The following ANK3 variants were observed in gnomAD, a reference collection of about 807,000 sequenced individuals.
ANK3 encodes the protein ankyrin-3.
Under a neutral mutation model 370.9 loss-of-function variants are expected in ANK3, and 57 were observed. The ratio of observed to expected loss-of-function variants is 0.15; its 90% CI spans 0.12 to 0.19. The LOEUF (loss-of-function observed/expected upper bound fraction) is 0.19, where lower values mean the gene tolerates loss of function less well. Among genes scored for constraint, ANK3 ranks in the 10% least tolerant of loss-of-function variants. The pLI is 1.00. For missense variants in ANK3, 4,439 were observed against 5,302.1 expected, an observed-to-expected ratio of 0.84 and a Z score of 5.06; for synonymous variants, 1,929 against 1,946.3, an observed-to-expected ratio of 0.99 and a Z score of 0.23.
At chr10:60,534,317 A>C (rs1250771709) in intron 2 of ANK3, among the ~76,000 whole-genome samples, 1 of 152,072 alleles carries the variant, frequency 6.6e-6, no homozygotes, top group Non-Finnish European at 1.5e-5. Flanking sequence ...TCTGCGCCTC[A>C]GCCTTCCAGA....
At chr10:60,643,224 T>C (rs1351659977) in intron 1 of ANK3, among the ~76,000 whole-genome samples, 1 of 152,078 alleles carries the variant, frequency 6.6e-6, no homozygotes, top group East Asian at 1.9e-4. Context: ...TTTGAGTCAG[T>C]GGGCTGGGAA....
intron 2 of ANK3, among the ~76,000 whole-genome samples, chr10:60,537,397 A>C (rs1160908159): frequency 6.6e-6 from 1 of 151,998 alleles, no homozygotes; most frequent in African/African-American, 2.4e-5. Flanking sequence ...TGTTGTATGA[A>C]AAATACTTTT....
Position 60,070,692 on chromosome 10 carries a change from T to C in ANK3, c.10189A>G (p.Ile3397Val). 1 of 1,614,190 alleles carries C rather than the reference T, an allele frequency of 6.2e-7. No homozygotes were observed. Among genetic ancestry groups the C allele is most frequent in the Non-Finnish European group, 8.5e-7 (1 of 1,180,022 alleles). Residue 3397 changes from isoleucine to valine, a missense_variant, in exon 37 of 44, where the codon ATT (isoleucine) becomes GTT (valine). Around this residue, in one of 13 missense-constraint regions of ANK3, gnomAD observed 1,601 missense variants for 1,731.7 expected, o/e 0.92. Coordinates refer to ENST00000280772, the MANE Select transcript of ANK3 (RefSeq NM_020987.5). This position sits in a 1 kb window ranked among gnomAD's most constrained non-coding sequence, Gnocchi z 5.7. ...NNDQSITECSIATTAEFSHDT... is the reference protein window; with the variant it reads ...NNDQSITECSVATTAEFSHDT... Reference sequence around the variant, plus strand: ...TGAGAAAACTCTGCTGTGGTGGCAATGGAACACTCTGTGATGGACTGGTCG... The same window carrying C: ...TGAGAAAACTCTGCTGTGGTGGCAACGGAACACTCTGTGATGGACTGGTCG...
At chr10:60,250,098 G>T (rs182858963) in intron 7 of ANK3, among the ~76,000 whole-genome samples, 3 of 152,292 alleles carry the variant, frequency 2.0e-5, no homozygotes, top group East Asian at 3.9e-4. Flanking sequence ...AAAAATAATT[G>T]TTACAAGTAA....
intron 2 of ANK3, among the ~76,000 whole-genome samples, chr10:60,569,426 A>G (rs545601938): frequency 6.6e-5 from 10 of 152,326 alleles, no homozygotes; most frequent in Non-Finnish European, 4.4e-5. Context: ...AGTTAGAAGC[A>G]ACATTACAAG....
At chr10:60,344,510 A>G (rs2054972875) in intron 1 of ANK3, among the ~76,000 whole-genome samples, 1 of 152,178 alleles carries the variant, frequency 6.6e-6, no homozygotes, top group South Asian at 2.1e-4. Flanking sequence ...GCAAAGAGGT[A>G]TAAAAAAGCG....
intron 8 of ANK3, among the ~76,000 whole-genome samples, chr10:60,230,115 GAGAT>G (rs2097217528): frequency 6.6e-6 from 1 of 152,178 alleles, no homozygotes. Context: ...TCAGTGAAAA[GAGAT>G]AGAGAACTCA....
At chr10:60,510,729 T>G (rs1362670831) in intron 2 of ANK3, among the ~76,000 whole-genome samples, 1 of 151,904 alleles carries the variant, frequency 6.6e-6, no homozygotes, top group African/African-American at 2.4e-5. Context: ...CTGAAACATG[T>G]GAATTGCTTG....
At chr10:60,033,536 A>AAAAAAC (rs1554812951) in intron 43 of ANK3, among the ~76,000 whole-genome samples, 288 of 98,256 alleles carry the variant, frequency 2.9e-3, no homozygotes, top group Middle Eastern at 7.9e-3. Flanking sequence ...AAAAAAAAAA[A>AAAAAAC]AAACTTGGAA....
chr10:60,176,242 G>A (rs1181872313), intron 18 of ANK3, among the ~76,000 whole-genome samples: 2 of 150,446 alleles, frequency 1.3e-5, no homozygotes, highest in Non-Finnish European at 3.0e-5. Flanking sequence ...GCATGTGTCT[G>A]TAGTCCCAGC....
At chr10:60,161,069 A>T (rs1206551488) in intron 23 of ANK3, among the ~76,000 whole-genome samples, 3 of 152,162 alleles carry the variant, frequency 2.0e-5, no homozygotes, top group Admixed American at 2.0e-4. Flanking sequence ...GAAATAAAGG[A>T]CATCCAAATT....
chr10:60,253,434 G>A (rs1027427915), intron 7 of ANK3, among the ~76,000 whole-genome samples: 1 of 152,202 alleles, frequency 6.6e-6, no homozygotes, highest in African/African-American at 2.4e-5. Context: ...CACACGGGAA[G>A]ATGTCAATGA....
intron 1 of ANK3, among the ~76,000 whole-genome samples, chr10:60,722,241 T>C (rs2079874417): frequency 6.6e-6 from 1 of 152,066 alleles, no homozygotes; most frequent in Non-Finnish European, 1.5e-5. Context: ...TTGGATTCAG[T>C]AGACTAAGAA....
intron 10 of ANK3, 76 bp downstream of exon 10, chr10:60,207,960 G>C: frequency 7.8e-7 from 1 of 1,289,770 alleles, no homozygotes; most frequent in Non-Finnish European, 1.1e-6. Context: ...CCTCCTCAAA[G>C]CATTCCCTTC....
intron 1 of ANK3, among the ~76,000 whole-genome samples, chr10:60,650,380 AAAAAAAAT>A (rs914339954): frequency 3.5e-5 from 5 of 144,570 alleles, no homozygotes; most frequent in African/African-American, 1.3e-4. Context: ...AAAAAAAAAA[AAAAAAAAT>A]TTACAAGCTC....
In ANK3 at chr10:60,395,607, TC is replaced by T. The variant is rs1333923400; in HGVS notation, c.97-115969del. 2.9e-3 allele frequency among the ~76,000 whole-genome samples: 320 copies of T among 110,758 alleles called. 3 individuals carry two copies. The highest frequency in any genetic ancestry group is 0.012 in the African/African-American group (293 of 24,934). The allele number at this position is 110,758 out of a possible 152,430, so 72.7% of individuals were successfully genotyped here. Reference sequence around the variant, plus strand: ...TTCTTTCTTTCTTTCTTTCTTTCTTTCTCTCTTTCGTTCTCTCTCTCTCTCT... The same window carrying T: ...TTCTTTCTTTCTTTCTTTCTTTCTTTTCTCTTTCGTTCTCTCTCTCTCTCT... On this transcript the variant is annotated intron_variant, in intron 2 of 43. Transcript: ENST00000373827.
intron 4 of ANK3, 24 bp from the exon 5 acceptor site, chr10:60,270,253 T>C (rs1304533824): frequency 6.6e-7 from 1 of 1,526,100 alleles, no homozygotes; most frequent in Non-Finnish European, 8.9e-7. Context: ...AAAAAAATGT[T>C]TGTCTGCAGC....
At chr10:60,161,744 C>T (rs868729890) in intron 23 of ANK3, among the ~76,000 whole-genome samples, 35 of 151,686 alleles carry the variant, frequency 2.3e-4, no homozygotes, top group African/African-American at 8.0e-4. Context: ...CTGGAAAGAG[C>T]GGGGATAAAG....
chr10:60,594,293 A>G (rs562437570), intron 2 of ANK3, among the ~76,000 whole-genome samples: 65 of 152,278 alleles, frequency 4.3e-4, no homozygotes, highest in Admixed American at 1.7e-3. Flanking sequence ...AAAAAGACTC[A>G]CACAATCTTA....
Sources: gnomAD v4.1 joint callset for allele counts (sites outside exome capture counted in the v4.1 genomes callset) on GRCh38, gnomAD v4.1.1 for gene constraint, gnomAD v4.1.1 regional missense constraint, Gnocchi (gnomAD v3.1) non-coding constraint, MANE v1.5 for transcripts, NCBI Gene and HGNC (gene_info 2026-07-23, HGNC 2026-07-21) for gene names.